MAP3K20: variants seen among roughly 807,000 people sequenced by gnomAD.
The protein encoded by MAP3K20 is mitogen-activated protein kinase kinase kinase 20.
Under a neutral mutation model 85.7 loss-of-function variants are expected in MAP3K20, and 40 were observed. That is an observed-to-expected ratio of 0.47 (90% confidence interval 0.36 to 0.61). MAP3K20 has a LOEUF of 0.61. Among genes scored for constraint, MAP3K20 ranks in the 20% least tolerant of loss-of-function variants. The pLI is 0.00. For missense variants in MAP3K20, 817 were observed against 961.7 expected (o/e 0.85, Z 1.99); for synonymous variants, 325 against 327.7 (o/e 0.99, Z 0.09).
At chr2:173,164,863 C>G (rs1280194067) in intron 2 of MAP3K20, among the ~76,000 whole-genome samples, 1 of 152,092 alleles carries the variant, frequency 6.6e-6, no homozygotes, top group Non-Finnish European at 1.5e-5. Context: ...CTCGTTTTCC[C>G]CTGTAAACTT....
intron 19 of MAP3K20, among the ~76,000 whole-genome samples, chr2:173,264,660 G>A (rs534950978): frequency 6.6e-6 from 1 of 152,246 alleles, no homozygotes; most frequent in East Asian, 1.9e-4. Flanking sequence ...CCGATCACGT[G>A]GCTACATGGA....
In MAP3K20 at chr2:173,113,307, A is replaced by G. The variant is rs188262469; in HGVS notation, c.159+22117A>G. Among the ~76,000 whole-genome samples the G allele has an allele frequency of 6.9e-4, 105 of 152,040 alleles. 1 individual carries two copies. Among genetic ancestry groups the G allele is most frequent in the Non-Finnish European group, 1.3e-3 (89 of 67,930 alleles). On this transcript the variant is annotated intron_variant, in intron 2 of 19. Transcript: ENST00000375213. ...CTTCTTTGCTTGGTTAATCTTGCCA[A>G]TGGTCTATCAATTTTATTTATCTTT...
intron 3 of MAP3K20, among the ~76,000 whole-genome samples, chr2:173,179,704 GCACACACACACACACACACA>G (rs71018541): frequency 3.4e-5 from 5 of 146,080 alleles, no homozygotes; most frequent in Admixed American, 2.8e-4. Context: ...TAAGGAATGC[GCACACACACACACACACACA>G]CACACACACA....
intron 3 of MAP3K20, among the ~76,000 whole-genome samples, chr2:173,179,390 T>TCA (rs1328971913): frequency 2.6e-5 from 1 of 37,834 alleles, no homozygotes; most frequent in Non-Finnish European, 7.7e-5. Context: ...AGACTCCATC[T>TCA]CAAAAAAAAA....
intron 2 of MAP3K20, among the ~76,000 whole-genome samples, chr2:173,147,415 C>T (rs1032037996): frequency 6.6e-6 from 1 of 152,166 alleles, no homozygotes; most frequent in African/African-American, 2.4e-5. Context: ...CTTCTTACAT[C>T]TTATTAGCCA....
intron 2 of MAP3K20, among the ~76,000 whole-genome samples, chr2:173,168,478 C>CGCAGCT (rs1689903289): frequency 6.6e-6 from 1 of 152,148 alleles, no homozygotes; most frequent in South Asian, 2.1e-4. Flanking sequence ...AAACCAGTTT[C>CGCAGCT]GCAGCTGTTT....
intron 2 of MAP3K20, among the ~76,000 whole-genome samples, chr2:173,106,169 T>A (rs1414264051): frequency 6.6e-6 from 1 of 152,238 alleles, no homozygotes; most frequent in Non-Finnish European, 1.5e-5. Flanking sequence ...CCCAGTTTTT[T>A]AAATTTTTTG....
At chr2:173,232,262 C>G (rs748280912) in intron 13 of MAP3K20, 40 bp downstream of exon 13, 1 of 1,614,106 alleles carries the variant, frequency 6.2e-7, no homozygotes, top group East Asian at 2.2e-5. Context: ...ATGGAGTTAA[C>G]TTTGTTTTGG....
intron 11 of MAP3K20, 36 bp downstream of exon 11, chr2:173,217,286 C>T (rs901542191): frequency 5.4e-6 from 8 of 1,483,156 alleles, no homozygotes; most frequent in South Asian, 3.0e-5. Context: ...TTTCCACATG[C>T]GGCTCTAGGC....
chr2:173,233,574 C>G lies in MAP3K20; in HGVS notation c.1203+1115C>G, dbSNP rs573477515. 2.6e-5 allele frequency among the ~76,000 whole-genome samples: 4 copies of G among 152,284 alleles called. No homozygotes were observed. The East Asian group carries it at 7.7e-4, about 29-fold the overall frequency. ...CAGGTTTGCTCCCCAAACCCACCCC[C>G]CATTCCAGTGTGGGTAGATGGACGA... On this transcript the variant is annotated intron_variant, in intron 14 of 19. Coordinates refer to ENST00000375213, the MANE Select transcript of MAP3K20 (RefSeq NM_016653.3).
At chr2:173,190,238 G>C (rs559181961) in intron 5 of MAP3K20, among the ~76,000 whole-genome samples, 1 of 152,002 alleles carries the variant, frequency 6.6e-6, no homozygotes, top group Non-Finnish European at 1.5e-5. Flanking sequence ...TCATCTGACC[G>C]CCCTCGACAC....
chr2:173,266,027 G>T, intron 19 of MAP3K20, 23 bp from the exon 20 acceptor site: 2 of 1,544,160 alleles, frequency 1.3e-6, no homozygotes, highest in Admixed American at 3.9e-5. Flanking sequence ...CTTAAAAGAT[G>T]CTCATTTCCA....
At chr2:173,250,795 T>C (rs1179434371) in intron 16 of MAP3K20, among the ~76,000 whole-genome samples, 2 of 151,920 alleles carry the variant, frequency 1.3e-5, no homozygotes, top group Non-Finnish European at 2.9e-5. Flanking sequence ...TTAGGGAGAG[T>C]TTCTTGTGGA....
chr2:173,177,443 A>T (rs1015438928), intron 3 of MAP3K20, among the ~76,000 whole-genome samples: 2 of 126,606 alleles, frequency 1.6e-5, no homozygotes, highest in South Asian at 2.7e-4. Context: ...ATCACAATAG[A>T]TTTTTTTTTT....
At chr2:173,225,875 C>G in intron 11 of MAP3K20, 1 of 982,936 alleles carries the variant, frequency 1.0e-6, no homozygotes, top group African/African-American at 1.8e-5. Flanking sequence ...TGCACCAGGG[C>G]AGGTCACTTT....
intron 1 of MAP3K20, among the ~76,000 whole-genome samples, chr2:173,085,781 G>C (rs939501712): frequency 4.9e-5 from 5 of 102,442 alleles, no homozygotes; most frequent in African/African-American, 6.9e-5. Flanking sequence ...TTGTGTAAAA[G>C]CAATTTTTTT....
rs1050841491 is a variant in MAP3K20 at position 173,267,425 on chromosome 2, A to G, written c.*675A>G. 2 of 151,802 alleles carry G rather than the reference A, an allele frequency of 1.3e-5. No homozygotes were observed. Among genetic ancestry groups the G allele is most frequent in the Admixed American group, 1.3e-4 (2 of 15,248 alleles). The allele number at this position is 151,802 out of a possible 1,614,324, so 9.4% of individuals were successfully genotyped here. A position where few individuals can be genotyped will look rare whatever the true frequency, so the allele number is the denominator to read the frequency against. On this transcript the variant is annotated 3_prime_UTR_variant, in exon 20 of 20. Transcript: ENST00000375213. ...TCAGCCCTGCTGGTTAGTATTTAGT[A>G]TTTATTTTAGTAAGATATTTGTGTC... is the stretch of plus-strand genomic sequence containing the variant.
chr2:173,197,652 G>A (rs1690892645), intron 7 of MAP3K20: 1 of 153,416 alleles, frequency 6.5e-6, no homozygotes, highest in South Asian at 2.0e-4. Context: ...TTATTTCCTA[G>A]ACAAATGTAT....
At chr2:173,241,832 G>C (rs564107269) in intron 16 of MAP3K20, among the ~76,000 whole-genome samples, 4 of 152,116 alleles carry the variant, frequency 2.6e-5, no homozygotes, top group Non-Finnish European at 4.4e-5. Context: ...TCTGGATACA[G>C]GTTTCTTACA....
Sources: gnomAD v4.1 joint callset for allele counts (sites outside exome capture counted in the v4.1 genomes callset) on GRCh38, gnomAD v4.1.1 for gene constraint, MANE v1.5 for transcripts, NCBI Gene and HGNC (gene_info 2026-07-23, HGNC 2026-07-21) for gene names.